The following AGAP1 variants were observed in gnomAD, a reference collection of about 807,000 sequenced individuals.
AGAP1 encodes the protein arf-GAP with GTPase, ANK repeat and PH domain-containing protein 1.
AGAP1 carries 29 observed loss-of-function variants against 105.3 expected under a neutral mutation model. That is an observed-to-expected ratio of 0.28 (90% CI 0.21 to 0.38). The LOEUF (loss-of-function observed/expected upper bound fraction) is 0.38. Ranked by LOEUF, AGAP1 falls within the 10% of genes least tolerant of loss-of-function variation. The pLI, the probability that AGAP1 is intolerant of heterozygous loss-of-function variation, is 1.00. For missense variants in AGAP1, 998 were observed against 1,165.1 expected, an observed-to-expected ratio of 0.86 and a Z score of 2.09; for synonymous variants, 509 against 485.9, an observed-to-expected ratio of 1.05 and a Z score of -0.63.
At chr2:235,580,577 A>G (rs1375333533) in intron 1 of AGAP1, among the ~76,000 whole-genome samples, 1 of 152,166 alleles carries the variant, frequency 6.6e-6, no homozygotes, top group East Asian at 1.9e-4. Flanking sequence ...TAACATATGA[A>G]AAAACAGCTA....
At chr2:235,835,339 A>G (rs539895294) in intron 9 of AGAP1, among the ~76,000 whole-genome samples, 2 of 152,326 alleles carry the variant, frequency 1.3e-5, no homozygotes, top group African/African-American at 4.8e-5. Context: ...GCTCCCAGCC[A>G]TCAACTTTCT....
intron 1 of AGAP1, among the ~76,000 whole-genome samples, chr2:235,681,409 G>T (rs535544199): frequency 1.3e-5 from 2 of 152,144 alleles, no homozygotes; most frequent in Non-Finnish European, 2.9e-5. Context: ...ATGCTAGAGC[G>T]GGAGAGGAGT....
In AGAP1 at chr2:235,905,016, A is replaced by G. The variant is rs1200307251; in HGVS notation, c.1156-3722A>G. On this transcript the variant is annotated intron_variant, in intron 10 of 17. Transcript: ENST00000304032. The surrounding 1 kb of genome is among the most constrained non-coding windows in gnomAD (Gnocchi z 4.2). ...TAGTTCTTCTGAGGTTGTAACGCCT[A>G]ACTCAGGCAAGAAAACAGATCCCTT... Among the ~76,000 whole-genome samples, 1 of 152,262 alleles carries G rather than the reference A, an allele frequency of 6.6e-6. No homozygotes were observed. Among genetic ancestry groups the G allele is most frequent in the Non-Finnish European group, 1.5e-5 (1 of 68,026 alleles).
At chr2:235,668,162 C>G (rs1473436017) in intron 1 of AGAP1, among the ~76,000 whole-genome samples, 1 of 152,002 alleles carries the variant, frequency 6.6e-6, no homozygotes, top group East Asian at 1.9e-4. Context: ...AGAGGGTGCT[C>G]AGGTGTATTT....
intron 5 of AGAP1, among the ~76,000 whole-genome samples, chr2:235,746,377 C>CTTTTTT (rs1172393048): frequency 0.046 from 2,567 of 55,540 alleles, 549 homozygotes; most frequent in Middle Eastern, 0.14. Context: ...CCTCCCCCAA[C>CTTTTTT]TTTTTTTTTT....
rs760478833 is a variant in AGAP1, at chr2:236,042,218, C to T, written c.1891+1377C>T. On this transcript the variant is annotated intron_variant, in intron 15 of 17. Coordinates refer to ENST00000304032, the MANE Select transcript of AGAP1 (RefSeq NM_001037131.3). This position sits in a 1 kb window ranked among gnomAD's most constrained non-coding sequence, Gnocchi z 5.6. The stretch of plus-strand genomic sequence containing the variant: ...GGAGGCCAGCCAGGGTCGGCTTGGC[C>T]GGGAAGGGAGACAGGAGCCCAGGAC... Among the ~76,000 whole-genome samples the T allele has an allele frequency of 1.4e-4, 21 of 151,900 alleles. No individual in the cohort carries two copies. The highest frequency in any genetic ancestry group is 3.9e-4 in the East Asian group (2 of 5,156).
chr2:235,933,673 C>T (rs1258575863), intron 12 of AGAP1, among the ~76,000 whole-genome samples: 1 of 151,928 alleles, frequency 6.6e-6, no homozygotes, highest in Non-Finnish European at 1.5e-5. Flanking sequence ...GCTGGGACTG[C>T]AGGCACGCGC....
At position 236,000,051 on chromosome 2, in the gene AGAP1, G is replaced by A. The variant is rs1045605825; in HGVS notation, c.1645+31428G>A. 2.0e-5 allele frequency among the ~76,000 whole-genome samples: 3 copies of A among 152,106 alleles called. No homozygotes were observed. The highest frequency in any genetic ancestry group is 4.4e-5 in the Non-Finnish European group (3 of 68,018). The stretch of plus-strand genomic sequence containing the variant: ...CCAGCTTCTAGACCAGTGTCCTCAC[G>A]TGCAGGCGTCCTCGAAGGTTTGTTT... On this transcript the variant is annotated intron_variant, in intron 13 of 17. Transcript: ENST00000304032. This position sits in a 1 kb window ranked among gnomAD's most constrained non-coding sequence, Gnocchi z 4.3.
rs576204752 is a variant in AGAP1 at position 236,082,536 on chromosome 2, A to G, written c.2114+33255A>G. ...TTCCCAAAAGGCCTATCAGGGGCAAACAGCTCACCTGCAGTGGTGATTGGT... is the reference window on the plus strand; with the variant it reads ...TTCCCAAAAGGCCTATCAGGGGCAAGCAGCTCACCTGCAGTGGTGATTGGT... On this transcript the variant is annotated intron_variant, in intron 16 of 17. Coordinates refer to ENST00000304032, the MANE Select transcript of AGAP1 (RefSeq NM_001037131.3). This position sits in a 1 kb window ranked among gnomAD's most constrained non-coding sequence, Gnocchi z 4.2. Among the ~76,000 whole-genome samples, 1 of 152,340 alleles carries G rather than the reference A, an allele frequency of 6.6e-6. No individual in the cohort carries two copies. Among genetic ancestry groups the G allele is most frequent in the East Asian group, 1.9e-4 (1 of 5,172 alleles).
In AGAP1 at chr2:236,038,275, A is replaced by G. The variant is rs899830620; in HGVS notation, c.1800+1560A>G. 1.3e-5 allele frequency among the ~76,000 whole-genome samples: 2 copies of G among 152,168 alleles called. No individual in the cohort carries two copies. The highest frequency in any genetic ancestry group is 2.9e-5 in the Non-Finnish European group (2 of 68,042). Reference sequence around the variant, plus strand: ...CCAAGCGTGGGCAGCTCATTCTGAGAAGGAAGGCAGGGAGGCAGGCTGTGT... The same window carrying G: ...CCAAGCGTGGGCAGCTCATTCTGAGGAGGAAGGCAGGGAGGCAGGCTGTGT... On this transcript the variant is annotated intron_variant, in intron 14 of 17. Transcript: ENST00000304032. This position sits in a 1 kb window ranked among gnomAD's most constrained non-coding sequence, Gnocchi z 4.5.
intron 6 of AGAP1, chr2:235,775,833 T>G (rs1194681759): frequency 6.6e-6 from 1 of 152,028 alleles, no homozygotes; most frequent in Non-Finnish European, 1.5e-5. Context: ...GGAAACACAT[T>G]TTAGGAATTT....
chr2:235,538,425 C>CTGTGTGTGTGTG lies in AGAP1; in HGVS notation c.163+43577_163+43578insGTGTGTGTGTGT, dbSNP rs1413280144. ...GGCTCTGGAGGAAGAACCTCAGCCA[C>CTGTGTGTGTGTG]TATGTGTGTGTGTGTGTGTGTGTGT... On this transcript the variant is annotated intron_variant, in intron 1 of 17. Coordinates refer to ENST00000304032, the MANE Select transcript of AGAP1 (RefSeq NM_001037131.3). Among the ~76,000 whole-genome samples, 175 of 28,598 alleles carry CTGTGTGTGTGTG rather than the reference C, an allele frequency of 6.1e-3. 1 individual carries two copies. The highest frequency in any genetic ancestry group is 0.011 in the Admixed American group (25 of 2,296). 18.8% of individuals were successfully genotyped at this position (28,598 alleles called of 152,430 possible). A position where few individuals can be genotyped will look rare whatever the true frequency, so the allele number is the denominator to read the frequency against.
At position 235,877,686 on chromosome 2, in the gene AGAP1, A is replaced by C. The variant is rs2049812129; in HGVS notation, c.1051-5659A>C. Among the ~76,000 whole-genome samples, 1 of 152,194 alleles carries C rather than the reference A, an allele frequency of 6.6e-6. No individual in the cohort carries two copies. The highest frequency in any genetic ancestry group is 1.5e-5 in the Non-Finnish European group (1 of 68,026). On this transcript the variant is annotated intron_variant, in intron 9 of 17. Coordinates refer to ENST00000304032, the MANE Select transcript of AGAP1 (RefSeq NM_001037131.3). This position sits in a 1 kb window ranked among gnomAD's most constrained non-coding sequence, Gnocchi z 4.3. ...ACTTTTTAGATAGTGATTAAAATACACTCAAAAATTTAAAAATTCTCTTGG... is the reference window on the plus strand; with the variant it reads ...ACTTTTTAGATAGTGATTAAAATACCCTCAAAAATTTAAAAATTCTCTTGG...
chr2:235,890,158 T>C (rs995908869), intron 10 of AGAP1, among the ~76,000 whole-genome samples: 1 of 129,388 alleles, frequency 7.7e-6, no homozygotes, highest in East Asian at 2.7e-4. Context: ...ACTGTAGTTA[T>C]TCCCTTTTTT....
At position 235,992,541 on chromosome 2, in the gene AGAP1, C is replaced by G. The variant is rs2055614394; in HGVS notation, c.1645+23918C>G. Among the ~76,000 whole-genome samples, 2 of 152,180 alleles carry G rather than the reference C, an allele frequency of 1.3e-5. No individual in the cohort carries two copies. Among genetic ancestry groups the G allele is most frequent in the Admixed American group, 6.5e-5 (1 of 15,282 alleles). On this transcript the variant is annotated intron_variant, in intron 13 of 17. Coordinates refer to ENST00000304032, the MANE Select transcript of AGAP1 (RefSeq NM_001037131.3). The surrounding 1 kb of genome is among the most constrained non-coding windows in gnomAD (Gnocchi z 4.8). ...AGCCAAATTATGTGCAGTGTATTTT[C>G]AGATTTTATTGACTCACCTAAGAAA...
At chr2:235,853,382 C>G (rs1462540155) in intron 9 of AGAP1, among the ~76,000 whole-genome samples, 2 of 152,162 alleles carry the variant, frequency 1.3e-5, no homozygotes, top group African/African-American at 2.4e-5. Flanking sequence ...TGTCAACTTC[C>G]TTGTGATTTT....
chr2:235,606,509 AC>A (rs1945943058), intron 1 of AGAP1, among the ~76,000 whole-genome samples: 2 of 152,086 alleles, frequency 1.3e-5, no homozygotes, highest in Non-Finnish European at 2.9e-5. Context: ...TCCATAATGA[AC>A]CTTTTTTTAA....
chr2:235,759,424 C>T (rs1201291982), intron 6 of AGAP1, among the ~76,000 whole-genome samples: 1 of 152,190 alleles, frequency 6.6e-6, no homozygotes, highest in Admixed American at 6.5e-5. Context: ...CCGCCTTGGC[C>T]TCCCAAAGTG....
In AGAP1 at chr2:236,092,016, T is replaced by C. The variant is rs567539023; in HGVS notation, c.2115-28176T>C. On this transcript the variant is annotated intron_variant, in intron 16 of 17. Transcript: ENST00000304032. The surrounding 1 kb of genome is among the most constrained non-coding windows in gnomAD (Gnocchi z 4.7). ...ATTACATTGAGTGAAAAAAAGCCTG[T>C]CCCAAAAGATTACGTGCTGTAGGAT... is the stretch of plus-strand genomic sequence containing the variant. Among the ~76,000 whole-genome samples the C allele has an allele frequency of 6.6e-6, 1 of 152,294 alleles. No individual in the cohort carries two copies. Among genetic ancestry groups the C allele is most frequent in the South Asian group, 2.1e-4 (1 of 4,822 alleles).
Sources: gnomAD v4.1 joint callset for allele counts (sites outside exome capture counted in the v4.1 genomes callset) on GRCh38, gnomAD v4.1.1 for gene constraint, Gnocchi (gnomAD v3.1) non-coding constraint, MANE v1.5 for transcripts, NCBI Gene and HGNC (gene_info 2026-07-23, HGNC 2026-07-21) for gene names.